The following DAB1 variants were observed in gnomAD, a reference collection of about 807,000 sequenced individuals.
DAB1 encodes the protein DAB adaptor protein 1.
Under a neutral mutation model 64.6 loss-of-function variants are expected in DAB1, and 15 were observed. The ratio of observed to expected loss-of-function variants is 0.23; its 90% CI spans 0.16 to 0.36. The LOEUF is 0.36. Among genes scored for constraint, DAB1 ranks in the 10% least tolerant of loss-of-function variants. The probability of loss-of-function intolerance (pLI) is 1.00; values close to 1 mark genes in which losing one functional copy is unlikely to be tolerated. For missense variants in DAB1, 596 were observed against 706.7 expected, an observed-to-expected ratio of 0.84 and a Z score of 1.78; for synonymous variants, 235 against 251.9, an observed-to-expected ratio of 0.93 and a Z score of 0.64.
intron 7 of DAB1, among the ~76,000 whole-genome samples, chr1:57,544,373 T>C (rs1201388704): frequency 1.3e-5 from 2 of 152,208 alleles, no homozygotes; most frequent in Non-Finnish European, 2.9e-5. Flanking sequence ...CCCTACTTCA[T>C]AGATAAGAAG....
chr1:58,448,564 G>C (rs923470595), intron 3 of DAB1, among the ~76,000 whole-genome samples: 2 of 152,206 alleles, frequency 1.3e-5, no homozygotes, highest in East Asian at 1.9e-4. Context: ...TCCAAGATGG[G>C]GGGCTGGCCC....
At chr1:57,351,515 C>A (rs977825146) in intron 1 of DAB1, among the ~76,000 whole-genome samples, 1 of 152,032 alleles carries the variant, frequency 6.6e-6, no homozygotes, top group African/African-American at 2.4e-5. Context: ...CACTAAGACC[C>A]ACTAAGAATT....
chr1:58,335,357 C>T (rs554897241), intron 4 of DAB1, among the ~76,000 whole-genome samples: 1 of 152,170 alleles, frequency 6.6e-6, no homozygotes, highest in Non-Finnish European at 1.5e-5. Flanking sequence ...AGGCAACTTA[C>T]AGGACTTCAG....
chr1:58,501,117 T>C (rs887868057), intron 3 of DAB1, among the ~76,000 whole-genome samples: 1 of 152,196 alleles, frequency 6.6e-6, no homozygotes, highest in Admixed American at 6.5e-5. Flanking sequence ...AATTATAACA[T>C]ATCAGCTTAT....
At chr1:57,511,459 A>C (rs1199075691) in intron 7 of DAB1, among the ~76,000 whole-genome samples, 1 of 152,216 alleles carries the variant, frequency 6.6e-6, no homozygotes, top group Non-Finnish European at 1.5e-5. Context: ...TCTATCCTTC[A>C]GGGCTCAACT....
chr1:57,125,046 A>G (rs927706575), intron 4 of DAB1, among the ~76,000 whole-genome samples: 2 of 151,966 alleles, frequency 1.3e-5, no homozygotes. Context: ...GTCAGTGTGC[A>G]TAATTTACTC....
chr1:57,834,864 A>T (rs114042604), intron 1 of DAB1, among the ~76,000 whole-genome samples: 1 of 152,290 alleles, frequency 6.6e-6, no homozygotes, highest in African/African-American at 2.4e-5. Context: ...TGTGTGGTCA[A>T]CTGAAGTGTA....
chr1:58,106,186 C>G (rs1436180059), intron 5 of DAB1, among the ~76,000 whole-genome samples: 2 of 148,978 alleles, frequency 1.3e-5, no homozygotes, highest in African/African-American at 5.0e-5. Context: ...CTTTCTCTCT[C>G]TCTTTCATAG....
At chr1:57,137,078 A>G (rs1012298758) in intron 3 of DAB1, among the ~76,000 whole-genome samples, 33 of 152,166 alleles carry the variant, frequency 2.2e-4, no homozygotes, top group South Asian at 4.1e-4. Flanking sequence ...AAAAGTTTTC[A>G]TATGAATCAA....
chr1:57,410,859 A>G (rs1165948218), intron 1 of DAB1, among the ~76,000 whole-genome samples: 1 of 152,224 alleles, frequency 6.6e-6, no homozygotes, highest in Non-Finnish European at 1.5e-5. Context: ...AGTACTGTAT[A>G]TATTTTCATT....
At chr1:57,161,155 TG>T (rs918121916) in intron 2 of DAB1, among the ~76,000 whole-genome samples, 11 of 151,962 alleles carry the variant, frequency 7.2e-5, no homozygotes, top group African/African-American at 2.7e-4. Flanking sequence ...TCAATGCATT[TG>T]GGGGAGAGTC....
intron 1 of DAB1, among the ~76,000 whole-genome samples, chr1:57,311,873 A>T (rs1440964691): frequency 6.6e-6 from 1 of 152,204 alleles, no homozygotes; most frequent in African/African-American, 2.4e-5. Flanking sequence ...TGATGGTAAA[A>T]ATAATGAAGA....
intron 1 of DAB1, among the ~76,000 whole-genome samples, chr1:57,857,939 A>G (rs1396467751): frequency 7.7e-6 from 1 of 129,730 alleles, no homozygotes; most frequent in African/African-American, 3.9e-5. Flanking sequence ...AAAAAGAAAG[A>G]AAAAAAAAAA....
chr1:57,049,207 TG>T (rs1489343796), intron 9 of DAB1, among the ~76,000 whole-genome samples: 1 of 151,696 alleles, frequency 6.6e-6, no homozygotes, highest in African/African-American at 2.4e-5. Flanking sequence ...AGACGTACTT[TG>T]GGAGGCCGAG....
At chr1:58,347,932 C>T (rs1326469787) in intron 3 of DAB1, among the ~76,000 whole-genome samples, 2 of 152,176 alleles carry the variant, frequency 1.3e-5, no homozygotes, top group South Asian at 2.1e-4. Flanking sequence ...CCACTAACTC[C>T]GGGTCTTGCC....
In DAB1 at chr1:58,056,035, G is replaced by A. The variant is rs144673331; in HGVS notation, n.387+94476C>T. ...TTCCAGGTGTGAGCCACCGTGCCTG[G>A]CCTCATGTGCATTCTTTTTTTTTTT... On this transcript the variant is annotated intron_variant and non_coding_transcript_variant, in intron 5 of 20. Coordinates refer to the DAB1 transcript ENST00000485760. 2,290 of 846,470 alleles carry A rather than the reference G, an allele frequency of 2.7e-3. 47 individuals are homozygous for A. The East Asian group carries it at 0.039, about 15-fold the overall frequency. 52.4% of individuals were successfully genotyped at this position (846,470 alleles called of 1,614,324 possible).
chr1:57,015,497 T>C, intron 11 of DAB1, 66 bp from the exon 12 acceptor site: 5 of 1,417,776 alleles, frequency 3.5e-6, no homozygotes, highest in Non-Finnish European at 4.8e-6. Flanking sequence ...ATGCATGGAC[T>C]CAGGTAATTG....
intron 4 of DAB1, among the ~76,000 whole-genome samples, chr1:58,158,438 G>A (rs1170717239): frequency 6.6e-6 from 1 of 152,148 alleles, no homozygotes; most frequent in Non-Finnish European, 1.5e-5. Flanking sequence ...GTCCTGGCTT[G>A]TTCAAAGCTA....
At chr1:58,542,165 CCCTT>C (rs1204978089) in intron 1 of DAB1, among the ~76,000 whole-genome samples, 1 of 152,136 alleles carries the variant, frequency 6.6e-6, no homozygotes, top group Non-Finnish European at 1.5e-5. Flanking sequence ...TTTGAGTTAA[CCCTT>C]TTTGAAATAC....
Sources: allele counts gnomAD v4.1 joint callset (sites outside exome capture counted in the v4.1 genomes callset), GRCh38; gene constraint gnomAD v4.1.1; transcripts MANE v1.5; gene names NCBI Gene and HGNC (gene_info 2026-07-23, HGNC 2026-07-21).